BRINP3: variants seen among roughly 807,000 people sequenced by gnomAD.
BRINP3 encodes the protein BMP/retinoic acid inducible neural specific 3, also known as BMP/retinoic acid-inducible neural-specific protein 3.
A neutral mutation model predicts 71.0 loss-of-function variants in BRINP3; 19 were observed. That is an observed-to-expected ratio of 0.27 (90% CI 0.19 to 0.39). The LOEUF (loss-of-function observed/expected upper bound fraction) is 0.39. Ranked by LOEUF, BRINP3 falls within the 10% of genes least tolerant of loss-of-function variation. The pLI, the probability that BRINP3 is intolerant of heterozygous loss-of-function variation, is 1.00. For synonymous variants in BRINP3, 380 were observed against 337.7 expected (o/e 1.13, Z -1.37); for missense variants, 959 against 940.8 (o/e 1.02, Z -0.25).
chr1:190,174,279 C>A (rs755054600), intron 6 of BRINP3, among the ~76,000 whole-genome samples: 30 of 152,142 alleles, frequency 2.0e-4, no homozygotes, highest in South Asian at 1.0e-3. Context: ...AAGTTGGTAC[C>A]TACTCTGCCT....
At chr1:190,415,113 T>C (rs1419017142) in intron 2 of BRINP3, among the ~76,000 whole-genome samples, 1 of 152,226 alleles carries the variant, frequency 6.6e-6, no homozygotes, top group African/African-American at 2.4e-5. Flanking sequence ...GAATTTGTGA[T>C]AAAGAGAACC....
chr1:190,297,782 G>A (rs1263947631), intron 2 of BRINP3, among the ~76,000 whole-genome samples: 3 of 141,034 alleles, frequency 2.1e-5, no homozygotes, highest in East Asian at 2.0e-4. Context: ...GTTTTCTCGT[G>A]TGTGTGTGTG....
At chr1:190,151,628 A>C (rs1222794005) in intron 7 of BRINP3, among the ~76,000 whole-genome samples, 1 of 152,174 alleles carries the variant, frequency 6.6e-6, no homozygotes, top group Non-Finnish European at 1.5e-5. Flanking sequence ...TGTCCTAGTA[A>C]ATGAATCAGC....
intron 7 of BRINP3, among the ~76,000 whole-genome samples, chr1:190,110,238 C>G: frequency 6.6e-6 from 1 of 152,104 alleles, no homozygotes; most frequent in East Asian, 1.9e-4. Context: ...AGTTACAGGA[C>G]AGTCTGTCTA....
At chr1:190,299,892 G>T (rs886587726) in intron 2 of BRINP3, among the ~76,000 whole-genome samples, 1 of 151,966 alleles carries the variant, frequency 6.6e-6, no homozygotes, top group Non-Finnish European at 1.5e-5. Context: ...CTCTCTTCTG[G>T]CTTGTAGAGT....
chr1:190,117,841 T>TA (rs1217201738), intron 7 of BRINP3, among the ~76,000 whole-genome samples: 1 of 152,066 alleles, frequency 6.6e-6, no homozygotes, highest in Non-Finnish European at 1.5e-5. Flanking sequence ...TTACATCACT[T>TA]AAGTCTTTTT....
In BRINP3 at chr1:190,098,460, G is replaced by A; in HGVS notation, c.1859C>T (p.Thr620Ile). 1 of 1,614,142 alleles carries A rather than the reference G, an allele frequency of 6.2e-7. No individual in the cohort carries two copies. The highest frequency in any genetic ancestry group is 8.5e-7 in the Non-Finnish European group (1 of 1,180,024). ...WTLTLGNKWK[T>I]FFETVHIYLR... ...GTAGATGTGTACTGTCTCAAAAAAT[G>A]TCTTCCATTTGTTCCCCAGAGTTAA... The change falls in exon 8 of 8, where the codon ACA (threonine) becomes ATA (isoleucine). Residue 620 changes from threonine (T) to isoleucine (I), a missense_variant. By Grantham distance (89) the Thr-to-Ile change is moderately conservative. Coordinates refer to ENST00000367462, the MANE Select transcript of BRINP3 (RefSeq NM_199051.3).
intron 2 of BRINP3, among the ~76,000 whole-genome samples, chr1:190,392,858 T>C (rs1452439245): frequency 6.6e-6 from 1 of 151,666 alleles, no homozygotes; most frequent in Non-Finnish European, 1.5e-5. Flanking sequence ...TTTTACATAG[T>C]CTTTTAAAAT....
At chr1:190,145,531 G>T (rs1655810547) in intron 7 of BRINP3, among the ~76,000 whole-genome samples, 1 of 152,026 alleles carries the variant, frequency 6.6e-6, no homozygotes, top group African/African-American at 2.4e-5. Flanking sequence ...TTTCCAATCA[G>T]GGAAGAATTT....
chr1:190,203,173 T>C (rs1655158596), intron 6 of BRINP3, among the ~76,000 whole-genome samples: 1 of 152,074 alleles, frequency 6.6e-6, no homozygotes, highest in Non-Finnish European at 1.5e-5. Context: ...AAAGAGTAAG[T>C]AAGACACATA....
intron 4 of BRINP3, among the ~76,000 whole-genome samples, chr1:190,243,430 A>G (rs1167483064): frequency 6.6e-6 from 1 of 152,130 alleles, no homozygotes; most frequent in South Asian, 2.1e-4. Flanking sequence ...TCCTAATTGC[A>G]TGAATATACA....
chr1:190,148,339 C>T (rs1189433647), intron 7 of BRINP3, among the ~76,000 whole-genome samples: 1 of 151,924 alleles, frequency 6.6e-6, no homozygotes, highest in East Asian at 1.9e-4. Flanking sequence ...GCTCACGCGT[C>T]ATCCCAACAC....
intron 2 of BRINP3, among the ~76,000 whole-genome samples, chr1:190,386,328 A>G (rs1319180996): frequency 1.3e-5 from 2 of 151,768 alleles, no homozygotes; most frequent in East Asian, 3.9e-4. Flanking sequence ...GGCAACTAAA[A>G]TCAATGCTGC....
At position 190,454,737 on chromosome 1, in the gene BRINP3, C is replaced by G. The variant is rs1675874823; in HGVS notation, c.154G>C (p.Gly52Arg). The change falls in exon 2 of 8, where the codon GGA (glycine) becomes CGA (arginine). Residue 52 changes from glycine to arginine, a missense_variant. By Grantham distance (125) the Gly-to-Arg change is moderately radical. Transcript: ENST00000367462. ...SPFDWLLSDK[G>R]PFHRSQEYTD... ...TATTCCTGTGAGCGATGGAAGGGTC[C>G]CTTATCAGAGAGGAGCCAGTCGAAG... 6.2e-7 allele frequency: 1 copy of G among 1,613,942 alleles called. No individual in the cohort carries two copies. The highest frequency in any genetic ancestry group is 1.3e-5 in the African/African-American group (1 of 74,876).
At chr1:190,317,970 T>G (rs1665997686) in intron 2 of BRINP3, among the ~76,000 whole-genome samples, 1 of 152,090 alleles carries the variant, frequency 6.6e-6, no homozygotes, top group African/African-American at 2.4e-5. Flanking sequence ...GCATAATCAG[T>G]TCCTGAGCAC....
intron 7 of BRINP3, among the ~76,000 whole-genome samples, chr1:190,133,183 C>G (rs1189181039): frequency 2.0e-5 from 3 of 152,066 alleles, no homozygotes; most frequent in East Asian, 3.9e-4. Context: ...CCATAGATAA[C>G]TAGCATTTTA....
chr1:190,145,699 T>C (rs1293255067), intron 7 of BRINP3, among the ~76,000 whole-genome samples: 1 of 152,108 alleles, frequency 6.6e-6, no homozygotes, highest in Non-Finnish European at 1.5e-5. Flanking sequence ...AAAGAAGTCA[T>C]CATATGAAAA....
chr1:190,143,415 G>A (rs1655624302), intron 7 of BRINP3, among the ~76,000 whole-genome samples: 1 of 152,150 alleles, frequency 6.6e-6, no homozygotes, highest in South Asian at 2.1e-4. Flanking sequence ...CTACTCAAAG[G>A]TCAAGCCTTT....
intron 7 of BRINP3, among the ~76,000 whole-genome samples, chr1:190,118,723 A>G (rs1653360010): frequency 6.6e-6 from 1 of 152,202 alleles, no homozygotes; most frequent in Non-Finnish European, 1.5e-5. Context: ...GGCATAATAA[A>G]GGTAATGGTA....
Sources: allele counts gnomAD v4.1 joint callset (sites outside exome capture counted in the v4.1 genomes callset), GRCh38; gene constraint gnomAD v4.1.1; transcripts MANE v1.5; gene names NCBI Gene and HGNC (gene_info 2026-07-23, HGNC 2026-07-21).